PCDHGB2: variants seen among roughly 807,000 people sequenced by gnomAD.
PCDHGB2 encodes protocadherin gamma subfamily B, 2, also known as protocadherin gamma-B2.
PCDHGB2 carries 55 observed loss-of-function variants against 59.3 expected under a neutral mutation model. The observed-to-expected ratio is 0.93, with a 90% CI of 0.75 to 1.16. The LOEUF (loss-of-function observed/expected upper bound fraction) is 1.16, where lower values mean the gene tolerates loss of function less well. PCDHGB2 is among the 50% of genes most tolerant of loss of function. PCDHGB2 has a pLI of 0.00. For missense variants in PCDHGB2, 1,228 were observed against 1,198.5 expected, an observed-to-expected ratio of 1.02 and a Z score of -0.36; for synonymous variants, 516 against 512.0, an observed-to-expected ratio of 1.01 and a Z score of -0.11.
chr5:141,441,343 C>T (rs2098240806), intron 1 of PCDHGB2: 1 of 152,368 alleles, frequency 6.6e-6, no homozygotes, highest in African/African-American at 2.4e-5. Flanking sequence ...TAATTAACTA[C>T]ATGCTTGTAA....
In PCDHGB2 at chr5:141,362,081, G is replaced by A; in HGVS notation, c.1946G>A (p.Gly649Glu). 1 of 1,613,190 alleles carries A rather than the reference G, an allele frequency of 6.2e-7. No individual in the cohort carries two copies. The highest frequency in any genetic ancestry group is 8.5e-7 in the Non-Finnish European group (1 of 1,179,824). The change falls in exon 1 of 4, where the codon GGA becomes GAA. Residue 649 changes from glycine to glutamate, a missense_variant. Physicochemically the swap from Gly to Glu is moderately conservative, Grantham distance 98. Around this residue, in one of 3 missense-constraint regions of PCDHGB2, gnomAD observed 433 missense variants for 441.8 expected, o/e 0.98. Transcript: ENST00000522605. Reference protein sequence around the residue: ...RQRLLVAVRDGGQPPLSATAT... With the variant: ...RQRLLVAVRDEGQPPLSATAT... ...CGCCTGCTGGTCGCTGTGCGTGATGGAGGACAGCCGCCACTCTCCGCTACG... is the reference window on the plus strand; with the variant it reads ...CGCCTGCTGGTCGCTGTGCGTGATGAAGGACAGCCGCCACTCTCCGCTACG...
chr5:141,447,301 G>A (rs557269538), intron 1 of PCDHGB2, among the ~76,000 whole-genome samples: 39 of 152,060 alleles, frequency 2.6e-4, no homozygotes, highest in Non-Finnish European at 1.5e-4. Flanking sequence ...CACCACACCC[G>A]GCTAATTTTT....
intron 1 of PCDHGB2, chr5:141,421,360 T>G (rs549572548): frequency 6.2e-7 from 1 of 1,613,980 alleles, no homozygotes; most frequent in African/African-American, 1.3e-5. Context: ...AAAGGGCTCC[T>G]TCGTGGGCAA....
chr5:141,415,311 C>T, intron 1 of PCDHGB2: 2 of 1,614,242 alleles, frequency 1.2e-6, no homozygotes, highest in Non-Finnish European at 1.7e-6. Context: ...TGGCCTTCGT[C>T]ATCGTGCTGC....
At chr5:141,394,189 C>T (rs543330174) in intron 1 of PCDHGB2, 1 of 1,613,892 alleles carries the variant, frequency 6.2e-7, no homozygotes, top group Admixed American at 1.7e-5. Flanking sequence ...TCCTACTCAG[C>T]GTATATCCTA....
At position 141,476,760 on chromosome 5, in the gene PCDHGB2, C is replaced by A; in HGVS notation, c.2422-18047C>A. The A allele has an allele frequency of 6.2e-7, 1 of 1,613,824 alleles. No homozygotes were observed. Among genetic ancestry groups the A allele is most frequent in the Non-Finnish European group, 8.5e-7 (1 of 1,180,010 alleles). On this transcript the variant is annotated intron_variant, in intron 1 of 3. Coordinates refer to ENST00000522605, the MANE Select transcript of PCDHGB2 (RefSeq NM_018923.3). This position sits in a 1 kb window ranked among gnomAD's most constrained non-coding sequence, Gnocchi z 7.6. ...GAGCCTAGTCTCCAGTTAGTGCTGA[C>A]GGCGTTGGACGGAGGGACCCCAGCT...
At chr5:141,469,807 T>C (rs1294838215) in intron 1 of PCDHGB2, among the ~76,000 whole-genome samples, 1 of 152,070 alleles carries the variant, frequency 6.6e-6, no homozygotes, top group African/African-American at 2.4e-5. Context: ...AAAAACATTG[T>C]AGATAGAATG....
At chr5:141,441,325 T>C (rs961263461) in intron 1 of PCDHGB2, 1 of 152,192 alleles carries the variant, frequency 6.6e-6, no homozygotes, top group African/African-American at 2.4e-5. Flanking sequence ...AGAAAAATCT[T>C]CCTCCAATAA....
intron 1 of PCDHGB2, chr5:141,384,367 T>G (rs1780005491): frequency 1.2e-6 from 2 of 1,613,766 alleles, no homozygotes; most frequent in African/African-American, 2.7e-5. Flanking sequence ...GATCACTTAT[T>G]CCTTGGCCGA....
intron 1 of PCDHGB2, among the ~76,000 whole-genome samples, chr5:141,456,859 A>C (rs2098893194): frequency 6.6e-6 from 1 of 152,152 alleles, no homozygotes; most frequent in Admixed American, 6.6e-5. Context: ...GCTAATTGGG[A>C]GGCTGAGGCA....
chr5:141,375,603 T>C, intron 1 of PCDHGB2: 4 of 1,614,158 alleles, frequency 2.5e-6, no homozygotes, highest in South Asian at 1.1e-5. Flanking sequence ...TACGTGTCCA[T>C]CAACTCCGAC....
At chr5:141,462,116 C>T (rs535029363) in intron 1 of PCDHGB2, among the ~76,000 whole-genome samples, 3 of 152,152 alleles carry the variant, frequency 2.0e-5, no homozygotes, top group Admixed American at 1.3e-4. Context: ...AGCCACTGCA[C>T]CCAGTCCAAT....
intron 1 of PCDHGB2, among the ~76,000 whole-genome samples, chr5:141,363,365 A>G (rs867687044): frequency 5.3e-5 from 8 of 152,158 alleles, no homozygotes; most frequent in Admixed American, 2.6e-4. Flanking sequence ...ATTTTTTTCA[A>G]TCAAGAGGTT....
At chr5:141,405,232 C>T (rs779259588) in intron 1 of PCDHGB2, 8 of 1,613,990 alleles carry the variant, frequency 5.0e-6, no homozygotes, top group Middle Eastern at 1.6e-4. Flanking sequence ...TCTCCCTCAC[C>T]GCTGACTCAA....
intron 1 of PCDHGB2, among the ~76,000 whole-genome samples, chr5:141,453,623 T>C (rs1264665094): frequency 1.3e-5 from 2 of 152,238 alleles, no homozygotes; most frequent in Admixed American, 1.3e-4. Flanking sequence ...AAACAAAACC[T>C]ATACATATTT....
At position 141,400,246 on chromosome 5, in the gene PCDHGB2, G is replaced by T. The variant is rs373890751; in HGVS notation, c.2421+37690G>T. 4 of 1,613,986 alleles carry T rather than the reference G, an allele frequency of 2.5e-6. No individual in the cohort carries two copies. In the East Asian group the frequency reaches 6.7e-5, roughly 27 times the overall value. Reference sequence around the variant, plus strand: ...CTTCCTCCTGGCCGTGATTCTGGCCGTTGCCTTGCGCCTGCGACGCTCCTC... The same window carrying T: ...CTTCCTCCTGGCCGTGATTCTGGCCTTTGCCTTGCGCCTGCGACGCTCCTC... On this transcript the variant is annotated intron_variant, in intron 1 of 3. Transcript: ENST00000522605.
At chr5:141,452,380 G>A (rs1003689226) in intron 1 of PCDHGB2, among the ~76,000 whole-genome samples, 2 of 152,192 alleles carry the variant, frequency 1.3e-5, no homozygotes, top group Admixed American at 1.3e-4. Context: ...GTAGGGAATA[G>A]TATTTAGAAA....
At chr5:141,389,638 T>C in intron 1 of PCDHGB2, 1 of 1,612,986 alleles carries the variant, frequency 6.2e-7, no homozygotes, top group Non-Finnish European at 8.5e-7. Flanking sequence ...CCTGGCTACT[T>C]GGTGACCAAG....
At chr5:141,430,786 C>G (rs992448490) in intron 1 of PCDHGB2, 1 of 1,513,352 alleles carries the variant, frequency 6.6e-7, no homozygotes, top group Non-Finnish European at 8.8e-7. Context: ...TGCACCGGGA[C>G]TACAAAGGGC....
Sources: allele counts gnomAD v4.1 joint callset (sites outside exome capture counted in the v4.1 genomes callset), GRCh38; gene constraint gnomAD v4.1.1; regional missense constraint gnomAD v4.1.1; non-coding constraint Gnocchi (gnomAD v3.1); transcripts MANE v1.5; gene names NCBI Gene and HGNC (gene_info 2026-07-23, HGNC 2026-07-21).